The following KCTD1 variants were observed in gnomAD, a reference collection of about 807,000 sequenced individuals.
KCTD1 encodes the protein potassium channel tetramerization domain containing 1.
Under a neutral mutation model 66.0 loss-of-function variants are expected in KCTD1, and 24 were observed. That is an observed-to-expected ratio of 0.36 (90% CI 0.26 to 0.51). The LOEUF (loss-of-function observed/expected upper bound fraction) is 0.51, where lower values mean the gene tolerates loss of function less well. KCTD1 is among the 20% of genes least tolerant of loss of function. KCTD1 has a pLI of 0.95. For missense variants in KCTD1, 943 were observed against 1,205.2 expected, an observed-to-expected ratio of 0.78 and a Z score of 3.22; for synonymous variants, 511 against 517.2, an observed-to-expected ratio of 0.99 and a Z score of 0.16.
chr18:26,549,687 G>A, upstream of KCTD1: 1 of 979,422 alleles, frequency 1.0e-6, no homozygotes, highest in Non-Finnish European at 1.2e-6. Flanking sequence ...CGACCCTGCC[G>A]CAGCCACAAT....
chr18:26,657,435 C>T, upstream of KCTD1: 1 of 972,526 alleles, frequency 1.0e-6, no homozygotes, highest in Non-Finnish European at 1.2e-6. Flanking sequence ...GATTTCTCTC[C>T]CAGCGATCTG....
chr18:26,488,726 T>C lies in KCTD1; in HGVS notation c.1989-12067A>G, dbSNP rs983237882. On this transcript the variant is annotated intron_variant, in intron 2 of 4. Coordinates refer to ENST00000580059, the MANE Select transcript of KCTD1 (RefSeq NM_001142730.3). ...AATATGAAGAACACAATAAGAAAAGTTGCATAAGAATAAAAATAATCATTA... is the reference window on the plus strand; with the variant it reads ...AATATGAAGAACACAATAAGAAAAGCTGCATAAGAATAAAAATAATCATTA... Among the ~76,000 whole-genome samples the C allele has an allele frequency of 2.0e-5, 3 of 152,164 alleles. No homozygotes were observed. The South Asian group carries it at 6.2e-4, about 32-fold the overall frequency.
At chr18:26,535,604 A>C (rs929421200) in intron 1 of KCTD1, among the ~76,000 whole-genome samples, 2 of 152,208 alleles carry the variant, frequency 1.3e-5, no homozygotes, top group African/African-American at 4.8e-5. Flanking sequence ...TGAGGCTCCA[A>C]AAACACAAAA....
chr18:26,655,216 C>A (rs938322447), intron 1 of KCTD1, among the ~76,000 whole-genome samples: 1 of 152,216 alleles, frequency 6.6e-6, no homozygotes, highest in Non-Finnish European at 1.5e-5. Context: ...CGCACACATA[C>A]ACACAAAACA....
At chr18:26,568,080 C>T (rs1331577477) in intron 1 of KCTD1, among the ~76,000 whole-genome samples, 1 of 152,088 alleles carries the variant, frequency 6.6e-6, no homozygotes, top group Non-Finnish European at 1.5e-5. Context: ...CTACCCATTT[C>T]CTTCTACTTA....
chr18:26,626,673 A>G (rs527496884), intron 1 of KCTD1, among the ~76,000 whole-genome samples: 2 of 152,128 alleles, frequency 1.3e-5, no homozygotes, highest in Non-Finnish European at 2.9e-5. Context: ...CAGGGTCTCT[A>G]TATGTTGCCT....
At chr18:26,501,595 ACAAT>A (rs1239025415) in intron 1 of KCTD1, among the ~76,000 whole-genome samples, 2 of 152,254 alleles carry the variant, frequency 1.3e-5, no homozygotes. Context: ...AAATAAAATG[ACAAT>A]CAAACACTTC....
chr18:26,651,045 G>A lies in KCTD1; in HGVS notation c.9+6315C>T, dbSNP rs771575598. On this transcript the variant is annotated intron_variant, in intron 1 of 4. Coordinates refer to the KCTD1 transcript ENST00000580191. Reference sequence around the variant, plus strand: ...TGTGAGCAAACGATTTGCTCAGCAAGAGATAGAGACCAATTCACATGTTCT... The same window carrying A: ...TGTGAGCAAACGATTTGCTCAGCAAAAGATAGAGACCAATTCACATGTTCT... Among the ~76,000 whole-genome samples the A allele has an allele frequency of 5.9e-5, 9 of 152,240 alleles. No homozygotes were observed. The East Asian group carries it at 1.7e-3, about 29-fold the overall frequency.
intron 1 of KCTD1, among the ~76,000 whole-genome samples, chr18:26,601,829 T>C (rs1264260951): frequency 6.6e-6 from 1 of 152,240 alleles, no homozygotes; most frequent in South Asian, 2.1e-4. Flanking sequence ...ATACAATTGA[T>C]TTTTAGTATT....
chr18:26,573,754 T>C (rs1986162196), intron 1 of KCTD1, among the ~76,000 whole-genome samples: 2 of 152,352 alleles, frequency 1.3e-5, no homozygotes, highest in South Asian at 4.1e-4. Flanking sequence ...AAATTCAGTG[T>C]CTTTAAAATC....
At chr18:26,579,071 T>C (rs1170907565) in intron 1 of KCTD1, among the ~76,000 whole-genome samples, 1 of 152,042 alleles carries the variant, frequency 6.6e-6, no homozygotes, top group Non-Finnish European at 1.5e-5. Flanking sequence ...CGCCAAATAC[T>C]GGATGCATAT....
At chr18:26,570,041 C>T (rs1986067021) in intron 1 of KCTD1, among the ~76,000 whole-genome samples, 1 of 151,956 alleles carries the variant, frequency 6.6e-6, no homozygotes, top group South Asian at 2.1e-4. Context: ...ACAAAATTAG[C>T]TGGGCATGGT....
At chr18:26,618,652 CA>C (rs1283581971) in intron 1 of KCTD1, among the ~76,000 whole-genome samples, 1 of 152,226 alleles carries the variant, frequency 6.6e-6, no homozygotes, top group Non-Finnish European at 1.5e-5. Context: ...CGATGTGCTG[CA>C]AATCCAATTA....
rs771086832 is a variant in KCTD1 at position 26,501,097 on chromosome 18, T to C, written c.1963A>G (p.Thr655Ala). The change falls in exon 2 of 5, where the codon ACC becomes GCC. Residue 655 changes from threonine to alanine, a missense_variant. Physicochemically the swap from Thr to Ala is moderately conservative, Grantham distance 58. Around this residue, in one of 10 missense-constraint regions of KCTD1, gnomAD observed 41 missense variants for 103.8 expected, o/e 0.39. Transcript: ENST00000580059. ...GGHMYTSSLATLTKYPESRIG... is the reference protein window; with the variant it reads ...GGHMYTSSLAALTKYPESRIG... ...CTGGATTCAGGGTATTTGGTGAGGG[T>C]GGCCAGGCTGCTGGTGTACATGTGG... 6.2e-7 allele frequency: 1 copy of C among 1,613,798 alleles called. No individual in the cohort carries two copies. The highest frequency in any genetic ancestry group is 8.5e-7 in the Non-Finnish European group (1 of 1,179,816).
chr18:26,459,805 C>G lies in KCTD1; in HGVS notation c.2254G>C (p.Val752Leu). The G allele has an allele frequency of 6.2e-7, 1 of 1,614,166 alleles. No homozygotes were observed. Among genetic ancestry groups the G allele is most frequent in the Non-Finnish European group, 8.5e-7 (1 of 1,180,040 alleles). The change falls in exon 4 of 5, where the codon GTC becomes CTC. Residue 752 changes from valine (V) to leucine (L), a missense_variant. Transcript: ENST00000580059. ...GRFSRPCECL[V>L]VRVAPDLGER... Reference sequence around the variant, plus strand: ...CCGAGGTCTGGGGCCACACGCACGACGAGGCACTCACAGGGCCTTGAAAAT... The same window carrying G: ...CCGAGGTCTGGGGCCACACGCACGAGGAGGCACTCACAGGGCCTTGAAAAT...
intron 4 of KCTD1, chr18:26,456,452 G>GGAA (rs1980093452): frequency 6.6e-6 from 1 of 152,182 alleles, no homozygotes; most frequent in Non-Finnish European, 1.5e-5. Context: ...GTTTTGGCCT[G>GGAA]GAAGATTGAT....
chr18:26,484,183 A>G (rs2144625285), intron 2 of KCTD1, among the ~76,000 whole-genome samples: 1 of 152,340 alleles, frequency 6.6e-6, no homozygotes, highest in Non-Finnish European at 1.5e-5. Context: ...AGACTCAAGA[A>G]ATTTCATCTA....
At chr18:26,502,285 G>A (rs898527356) in intron 1 of KCTD1, among the ~76,000 whole-genome samples, 2 of 152,126 alleles carry the variant, frequency 1.3e-5, no homozygotes, top group African/African-American at 2.4e-5. Flanking sequence ...TCCTGACCTC[G>A]TGATCCGCCC....
At chr18:26,534,306 A>G (rs904107924) in intron 1 of KCTD1, among the ~76,000 whole-genome samples, 1 of 152,142 alleles carries the variant, frequency 6.6e-6, no homozygotes, top group Non-Finnish European at 1.5e-5. Flanking sequence ...TTTTATTTTT[A>G]TATTTTAGTG....
Sources: gnomAD v4.1 joint callset for allele counts (sites outside exome capture counted in the v4.1 genomes callset) on GRCh38, gnomAD v4.1.1 for gene constraint, gnomAD v4.1.1 regional missense constraint, MANE v1.5 for transcripts, NCBI Gene and HGNC (gene_info 2026-07-23, HGNC 2026-07-21) for gene names.